ARHGEF3: variants seen among roughly 807,000 people sequenced by gnomAD.
The protein encoded by ARHGEF3 is Rho guanine nucleotide exchange factor 3.
ARHGEF3 carries 28 observed loss-of-function variants against 63.2 expected under a neutral mutation model. The observed-to-expected ratio is 0.44, with a 90% confidence interval of 0.33 to 0.61. The LOEUF is 0.61. Ranked by LOEUF, ARHGEF3 falls within the 20% of genes least tolerant of loss-of-function variation. ARHGEF3 has a pLI of 0.03. For synonymous variants in ARHGEF3, 266 were observed against 254.2 expected, an observed-to-expected ratio of 1.05 and a Z score of -0.44; for missense variants, 533 against 659.3, an observed-to-expected ratio of 0.81 and a Z score of 2.10.
intron 3 of ARHGEF3, among the ~76,000 whole-genome samples, chr3:56,927,730 T>A (rs926870928): frequency 2.6e-5 from 4 of 152,030 alleles, no homozygotes; most frequent in African/African-American, 4.8e-5. Context: ...GTACCGCATA[T>A]GAGCTGCAGA....
intron 2 of ARHGEF3, among the ~76,000 whole-genome samples, chr3:57,024,184 C>G (rs1053496247): frequency 1.3e-5 from 2 of 151,992 alleles, no homozygotes; most frequent in African/African-American, 4.8e-5. Context: ...GACATTCTAA[C>G]CTTGCAGAAA....
intron 3 of ARHGEF3, among the ~76,000 whole-genome samples, chr3:56,920,870 G>A (rs2042110391): frequency 6.6e-6 from 1 of 151,980 alleles, no homozygotes; most frequent in Non-Finnish European, 1.5e-5. Context: ...GGCTAACGTG[G>A]TGAAACCCTG....
intron 1 of ARHGEF3, among the ~76,000 whole-genome samples, chr3:57,066,993 C>T (rs1705575420): frequency 6.6e-6 from 1 of 152,144 alleles, no homozygotes; most frequent in Non-Finnish European, 1.5e-5. Context: ...TGACACACAT[C>T]CTGTTGGTTC....
intron 3 of ARHGEF3, among the ~76,000 whole-genome samples, chr3:56,888,457 G>T (rs2040997582): frequency 6.6e-6 from 1 of 152,188 alleles, no homozygotes. Context: ...CTATATGGGG[G>T]TGGGGAGAAA....
At chr3:56,994,370 C>A (rs1228568771) in intron 2 of ARHGEF3, among the ~76,000 whole-genome samples, 1 of 152,148 alleles carries the variant, frequency 6.6e-6, no homozygotes, top group Non-Finnish European at 1.5e-5. Flanking sequence ...CTGTGTTGGG[C>A]ACTGACCTGA....
At chr3:57,048,149 T>C (rs1198786760) in intron 1 of ARHGEF3, among the ~76,000 whole-genome samples, 2 of 152,018 alleles carry the variant, frequency 1.3e-5, no homozygotes, top group Admixed American at 6.6e-5. Flanking sequence ...CACCCCGCCC[T>C]AACTCCATAC....
chr3:56,737,875 T>C (rs2033736705), intron 7 of ARHGEF3, among the ~76,000 whole-genome samples: 1 of 147,206 alleles, frequency 6.8e-6, no homozygotes, highest in African/African-American at 2.5e-5. Flanking sequence ...TTTGAATATC[T>C]TTTTTTTTTT....
At chr3:56,843,782 G>T (rs1467719322) in intron 4 of ARHGEF3, among the ~76,000 whole-genome samples, 1 of 152,094 alleles carries the variant, frequency 6.6e-6, no homozygotes, top group African/African-American at 2.4e-5. Flanking sequence ...TGATATATAA[G>T]AAGAAGATTC....
At chr3:57,065,888 T>C (rs1388311805) in intron 1 of ARHGEF3, among the ~76,000 whole-genome samples, 1 of 152,102 alleles carries the variant, frequency 6.6e-6, no homozygotes, top group Non-Finnish European at 1.5e-5. Context: ...ACCTTTTACT[T>C]AGGCCCATGA....
At chr3:56,756,036 T>C (rs888491755) in intron 2 of ARHGEF3, among the ~76,000 whole-genome samples, 1 of 152,222 alleles carries the variant, frequency 6.6e-6, no homozygotes, top group Non-Finnish European at 1.5e-5. Flanking sequence ...CTAATACACA[T>C]ACTAAATACC....
At chr3:56,913,160 C>A (rs868023179) in intron 3 of ARHGEF3, among the ~76,000 whole-genome samples, 1,417 of 20,990 alleles carry the variant, frequency 0.068, 17 homozygotes, top group African/African-American at 0.11. Context: ...AAAAAAAAAA[C>A]AACAACAACA....
intron 2 of ARHGEF3, among the ~76,000 whole-genome samples, chr3:56,993,316 G>A (rs1402228699): frequency 6.6e-6 from 1 of 152,182 alleles, no homozygotes; most frequent in Non-Finnish European, 1.5e-5. Context: ...GGAGCAGGAA[G>A]AAGACCCCAA....
rs114979703 is a variant in ARHGEF3, at chr3:57,012,624, C to T, written c.62+22464G>A. Among the ~76,000 whole-genome samples the T allele has an allele frequency of 1.0e-3, 153 of 152,322 alleles. 1 individual carries two copies. The highest frequency in any genetic ancestry group is 3.4e-3 in the African/African-American group (143 of 41,578). Reference sequence around the variant, plus strand: ...AGAAGGTGGGTAGAATGATTATCACCATTTGACAAGTGAACTAAAGTCACT... The same window carrying T: ...AGAAGGTGGGTAGAATGATTATCACTATTTGACAAGTGAACTAAAGTCACT... On this transcript the variant is annotated intron_variant, in intron 2 of 12. Coordinates refer to the ARHGEF3 transcript ENST00000338458.
chr3:57,065,429 C>G (rs1362569283), intron 1 of ARHGEF3, among the ~76,000 whole-genome samples: 1 of 151,796 alleles, frequency 6.6e-6, no homozygotes, highest in Non-Finnish European at 1.5e-5. Context: ...TCACTGCACT[C>G]CAGCCTGGGC....
intron 3 of ARHGEF3, among the ~76,000 whole-genome samples, chr3:56,892,837 C>T (rs1407655525): frequency 1.3e-5 from 2 of 152,196 alleles, no homozygotes; most frequent in Non-Finnish European, 2.9e-5. Flanking sequence ...GCCACAACAC[C>T]CCATGGGTTC....
chr3:56,915,954 A>C (rs1000454772), intron 3 of ARHGEF3, among the ~76,000 whole-genome samples: 2 of 152,192 alleles, frequency 1.3e-5, no homozygotes, highest in African/African-American at 2.4e-5. Context: ...ACAAAAATTA[A>C]AACAGTAGCA....
At chr3:56,737,063 G>T (rs1431571759) in intron 8 of ARHGEF3, 122 bp downstream of exon 8, 2 of 1,128,686 alleles carry the variant, frequency 1.8e-6, no homozygotes, top group Non-Finnish European at 1.2e-6. Flanking sequence ...GACAAAGCGA[G>T]ACTCCATCTC....
chr3:57,003,162 T>A (rs1312006059), intron 2 of ARHGEF3, among the ~76,000 whole-genome samples: 3 of 151,404 alleles, frequency 2.0e-5, no homozygotes, highest in Non-Finnish European at 4.4e-5. Flanking sequence ...TCCCAGCTCT[T>A]TGGGAGGCAG....
intron 4 of ARHGEF3, among the ~76,000 whole-genome samples, chr3:56,845,146 A>T (rs1265081957): frequency 6.6e-6 from 1 of 152,198 alleles, no homozygotes; most frequent in East Asian, 1.9e-4. Flanking sequence ...AATGCTGCCA[A>T]CAGTCATGTA....
Sources: gnomAD v4.1 joint callset for allele counts (sites outside exome capture counted in the v4.1 genomes callset) on GRCh38, gnomAD v4.1.1 for gene constraint, MANE v1.5 for transcripts, NCBI Gene and HGNC (gene_info 2026-07-23, HGNC 2026-07-21) for gene names.